Variants in TBL1Y observed in about 807,000 individuals in gnomAD.
The protein encoded by TBL1Y is F-box-like/WD repeat-containing protein TBL1Y.
In TBL1Y, 15 loss-of-function variants were observed where a neutral mutation model predicts 12.0. The observed-to-expected ratio is 1.25, with a 90% CI of 0.83 to 1.92. The LOEUF is 1.92. Among genes scored for constraint, TBL1Y ranks in the 40% most tolerant of loss-of-function variants. The pLI, the probability that TBL1Y is intolerant of heterozygous loss-of-function variation, is 0.00. For missense variants in TBL1Y, 148 were observed against 116.7 expected (o/e 1.27, Z -1.24); for synonymous variants, 53 against 42.6 (o/e 1.24, Z -0.95).
chrY:7,020,129 G>T (rs2012573393), intron 4 of TBL1Y, among the ~76,000 whole-genome samples: 1 of 33,268 alleles, frequency 3.0e-5, no homozygotes, highest in Non-Finnish European at 7.4e-5. Flanking sequence ...GGTTCCATAT[G>T]AGTTCACTAA....
intron 2 of TBL1Y, among the ~76,000 whole-genome samples, chrY:6,965,015 C>A: frequency 3.1e-5 from 1 of 32,483 alleles, no homozygotes; most frequent in African/African-American, 1.2e-4. Flanking sequence ...CACCTGAGTT[C>A]TATACTGAAC....
At chrY:7,005,953 G>T (rs2012483758) in intron 4 of TBL1Y, among the ~76,000 whole-genome samples, 3 of 32,269 alleles carry the variant, frequency 9.3e-5, no homozygotes, top group Non-Finnish European at 1.5e-4. Flanking sequence ...GCTGTTCTCT[G>T]CACTGAAGCC....
chrY:7,090,428 G>T, intron 18 of TBL1Y, among the ~76,000 whole-genome samples: 3 of 34,262 alleles, frequency 8.8e-5, no homozygotes, highest in African/African-American at 3.4e-4. Context: ...CATTTTCTCA[G>T]TTAAATTGGT....
chrY:6,985,739 T>C (rs764561732), intron 3 of TBL1Y, among the ~76,000 whole-genome samples: 2 of 32,281 alleles, frequency 6.2e-5, no homozygotes, highest in African/African-American at 2.4e-4. Flanking sequence ...ACGCTGTGAG[T>C]TGTCTTTTTC....
At chrY:6,958,702 G>A in intron 2 of TBL1Y, among the ~76,000 whole-genome samples, 14 of 33,669 alleles carry the variant, frequency 4.2e-4, no homozygotes, top group Non-Finnish European at 8.9e-4. Flanking sequence ...TTCAAGGGAA[G>A]GTACTATGAC....
intron 8 of TBL1Y, among the ~76,000 whole-genome samples, chrY:7,064,540 G>C: frequency 3.0e-5 from 1 of 33,554 alleles, no homozygotes; most frequent in Non-Finnish European, 7.3e-5. Context: ...TTCCTGCCGA[G>C]GGCACTGGGC....
intron 2 of TBL1Y, among the ~76,000 whole-genome samples, chrY:6,935,007 G>A: frequency 3.1e-5 from 1 of 32,431 alleles, no homozygotes; most frequent in African/African-American, 1.2e-4. Flanking sequence ...CACTATACTT[G>A]GCTAATTTTC....
intron 5 of TBL1Y, among the ~76,000 whole-genome samples, chrY:7,022,966 A>G: frequency 6.8e-5 from 2 of 29,595 alleles, no homozygotes; most frequent in South Asian, 8.7e-4. Context: ...CCTTTCTCTC[A>G]TCAGTGTTTT....
At chrY:7,055,285 G>C in intron 7 of TBL1Y, among the ~76,000 whole-genome samples, 1 of 33,696 alleles carries the variant, frequency 3.0e-5, no homozygotes, top group Admixed American at 2.7e-4. Context: ...ACACGTGCTT[G>C]AGGCCAGCAA....
chrY:7,089,520 G>A, intron 17 of TBL1Y, among the ~76,000 whole-genome samples: 1 of 33,468 alleles, frequency 3.0e-5, no homozygotes, highest in African/African-American at 1.2e-4. Context: ...GCCATGTGTG[G>A]TATCTCACAC....
At chrY:6,911,866 A>G (rs562491958) in intron 1 of TBL1Y, among the ~76,000 whole-genome samples, 86 of 34,671 alleles carry the variant, frequency 2.5e-3, no homozygotes, top group African/African-American at 8.8e-3. Flanking sequence ...ACGTACATCG[A>G]CTGTGCGTGG....
chrY:6,922,543 A>G (rs1603025270), intron 2 of TBL1Y, among the ~76,000 whole-genome samples: 2 of 33,924 alleles, frequency 5.9e-5, no homozygotes, highest in African/African-American at 1.1e-4. Flanking sequence ...CTTTAGCTAG[A>G]CACAAAAATT....
At chrY:6,948,234 AAG>A (rs2011997302) in intron 2 of TBL1Y, among the ~76,000 whole-genome samples, 1 of 32,953 alleles carries the variant, frequency 3.0e-5, no homozygotes, top group Non-Finnish European at 7.4e-5. Context: ...AGCAAAAGAA[AAG>A]AGAGCAGTTC....
At chrY:6,939,644 A>G in intron 2 of TBL1Y, among the ~76,000 whole-genome samples, 1 of 20,952 alleles carries the variant, frequency 4.8e-5, no homozygotes, top group Non-Finnish European at 1.1e-4. Context: ...GTTATTTAAC[A>G]TTTGTTTTTT....
rs769126014 is a variant in TBL1Y at position 7,056,227 on chromosome Y, A to G, written c.205-7670A>G. Among the ~76,000 whole-genome samples the G allele has an allele frequency of 1.2e-4, 4 of 33,970 alleles. No homozygotes were observed. In the East Asian group the frequency reaches 3.1e-3, roughly 26 times the overall value. The allele number at this position is 33,970 out of a possible 37,273, so 91.1% of individuals were successfully genotyped here. Reference sequence around the variant, plus strand: ...TCTAGTTAGTCTAACCCTGAACCCAACGAGTCATTTGAAGTAGCAGCAAGT... The same window carrying G: ...TCTAGTTAGTCTAACCCTGAACCCAGCGAGTCATTTGAAGTAGCAGCAAGT... On this transcript the variant is annotated intron_variant, in intron 7 of 18. Coordinates refer to ENST00000383032, the MANE Select transcript of TBL1Y (RefSeq NM_033284.2).
At chrY:7,064,613 G>C (rs2012959090) in intron 8 of TBL1Y, among the ~76,000 whole-genome samples, 1 of 33,597 alleles carries the variant, frequency 3.0e-5, no homozygotes, top group Non-Finnish European at 7.3e-5. Context: ...TTCCCTGTTA[G>C]GTAATTGCCA....
intron 2 of TBL1Y, among the ~76,000 whole-genome samples, chrY:6,930,391 A>C: frequency 2.1e-4 from 7 of 33,267 alleles, no homozygotes; most frequent in Non-Finnish European, 4.4e-4. Context: ...TACTTAAGGA[A>C]ATGAATAATA....
intron 2 of TBL1Y, among the ~76,000 whole-genome samples, chrY:6,972,924 A>G: frequency 3.0e-5 from 1 of 33,434 alleles, no homozygotes; most frequent in Non-Finnish European, 7.4e-5. Context: ...CTGTGGAGGC[A>G]TAGAAAATGG....
chrY:7,069,910 G>A, intron 8 of TBL1Y, among the ~76,000 whole-genome samples: 1 of 33,031 alleles, frequency 3.0e-5, no homozygotes. Flanking sequence ...CTGGCCTCAA[G>A]CAGTTTACTG....
Sources: gnomAD v4.1 joint callset for allele counts (sites outside exome capture counted in the v4.1 genomes callset) on GRCh38, gnomAD v4.1.1 for gene constraint, MANE v1.5 for transcripts, NCBI Gene and HGNC (gene_info 2026-07-23, HGNC 2026-07-21) for gene names.